Variants in TGIF1 observed in about 807,000 individuals in gnomAD.
TGIF1 encodes TGFB induced factor homeobox 1.
In TGIF1, 4 loss-of-function variants were observed where a neutral mutation model predicts 19.3. That is an observed-to-expected ratio of 0.21 (90% confidence interval 0.10 to 0.47). The LOEUF (loss-of-function observed/expected upper bound fraction) is 0.47. TGIF1 is among the 20% of genes least tolerant of loss of function. The pLI is 0.98. For missense variants in TGIF1, 275 were observed against 341.4 expected (o/e 0.81, Z 1.53); for synonymous variants, 122 against 129.3 (o/e 0.94, Z 0.38).
chr18:3,425,947 C>T (rs899074014), intron 2 of TGIF1, among the ~76,000 whole-genome samples: 2 of 152,034 alleles, frequency 1.3e-5, no homozygotes, highest in African/African-American at 2.4e-5. Context: ...TCAGGAAACC[C>T]GCACCATCCC....
At chr18:3,432,681 A>C (rs1354972188) in intron 2 of TGIF1, among the ~76,000 whole-genome samples, 1 of 152,276 alleles carries the variant, frequency 6.6e-6, no homozygotes, top group East Asian at 1.9e-4. Flanking sequence ...TATGGAAAAT[A>C]ATGGATCAAA....
At chr18:3,453,225 A>C (rs1279026438) in intron 1 of TGIF1, among the ~76,000 whole-genome samples, 1 of 152,094 alleles carries the variant, frequency 6.6e-6, no homozygotes, top group Non-Finnish European at 1.5e-5. Flanking sequence ...GGCAAGAGAC[A>C]TTGCTCCCAG....
chr18:3,450,655 C>T (rs554090801), intron 1 of TGIF1, 150 bp downstream of exon 1: 4 of 1,478,546 alleles, frequency 2.7e-6, no homozygotes, highest in East Asian at 2.5e-5. Flanking sequence ...GAGGCTGCGT[C>T]TGAAACGGCA....
intron 2 of TGIF1, among the ~76,000 whole-genome samples, chr18:3,432,166 C>T (rs1027867876): frequency 6.2e-5 from 9 of 145,828 alleles, no homozygotes; most frequent in African/African-American, 2.3e-4. Context: ...CTAAGGAAGG[C>T]GAAATATCAA....
intron 2 of TGIF1, among the ~76,000 whole-genome samples, chr18:3,423,241 T>C (rs901734517): frequency 6.6e-6 from 1 of 152,048 alleles, no homozygotes; most frequent in Non-Finnish European, 1.5e-5. Flanking sequence ...ATATCACATA[T>C]TGTACTATTG....
chr18:3,446,717 G>C (rs534930752), upstream of TGIF1, among the ~76,000 whole-genome samples: 11 of 152,316 alleles, frequency 7.2e-5, no homozygotes, highest in African/African-American at 2.6e-4. Context: ...AGGTTCTTAA[G>C]ACAATGGTCA....
At chr18:3,448,017 C>T, upstream of TGIF1, 1 of 971,716 alleles carries the variant, frequency 1.0e-6, no homozygotes, top group Non-Finnish European at 1.2e-6. Flanking sequence ...ACCGCGTGGC[C>T]AAGGAGAACC....
rs1045347365 is a variant in TGIF1 at position 3,456,185 on chromosome 18, C to G, written c.17-169C>G. ...TGAGAGCCTCCTATGTGGTGCTAGT[C>G]AAACTACTTTTACTTGGACCCTGAA... On this transcript the variant is annotated intron_variant, in intron 1 of 2. Transcript: ENST00000343820. This position sits in a 1 kb window ranked among gnomAD's most constrained non-coding sequence, Gnocchi z 4.2. 1.0e-5 allele frequency: 8 copies of G among 764,292 alleles called. No individual in the cohort carries two copies. Among genetic ancestry groups the G allele is most frequent in the Non-Finnish European group, 1.4e-5 (6 of 429,516 alleles). The allele number at this position is 764,292 out of a possible 1,614,324, so 47.3% of individuals were successfully genotyped here.
chr18:3,425,334 C>A (rs932775924), intron 2 of TGIF1, among the ~76,000 whole-genome samples: 1 of 152,216 alleles, frequency 6.6e-6, no homozygotes, highest in African/African-American at 2.4e-5. Flanking sequence ...GATGATAGCC[C>A]TTTCCAAAAA....
At chr18:3,445,756 G>GAAA (rs1568041628), upstream of TGIF1, among the ~76,000 whole-genome samples, 1 of 22,736 alleles carries the variant, frequency 4.4e-5, no homozygotes, top group Non-Finnish European at 7.1e-5. Flanking sequence ...AAAAAAAAGA[G>GAAA]AAGAAAAGCA....
chr18:3,430,167 G>A (rs182390752), intron 2 of TGIF1, among the ~76,000 whole-genome samples: 1 of 152,148 alleles, frequency 6.6e-6, no homozygotes, highest in Admixed American at 6.6e-5. Flanking sequence ...AAAGAGAAAA[G>A]ACTGTGAAAA....
chr18:3,454,674 CT>C (rs2083107761), intron 1 of TGIF1, among the ~76,000 whole-genome samples: 1 of 152,170 alleles, frequency 6.6e-6, no homozygotes, highest in East Asian at 1.9e-4. Context: ...TTTTAAAAAC[CT>C]TTTTAAAAAC....
At chr18:3,449,664 C>T (rs918613413), upstream of TGIF1, 4 of 984,888 alleles carry the variant, frequency 4.1e-6, no homozygotes, top group African/African-American at 5.3e-5. Context: ...GAAGTTGGTT[C>T]TTGTCTCGAA....
chr18:3,447,466 G>GA (rs2082763301), upstream of TGIF1: 1 of 554,660 alleles, frequency 1.8e-6, no homozygotes, highest in Admixed American at 3.0e-5. Flanking sequence ...CGAGAAAAAC[G>GA]AATCAACAAA....
At chr18:3,452,127 C>T (rs767498862) in intron 1 of TGIF1, 19 of 1,613,920 alleles carry the variant, frequency 1.2e-5, no homozygotes, top group East Asian at 8.9e-5. Context: ...TCTGGCGTCC[C>T]CCCGACTCTC....
At chr18:3,433,700 C>T (rs1275203228) in intron 2 of TGIF1, among the ~76,000 whole-genome samples, 1 of 152,124 alleles carries the variant, frequency 6.6e-6, no homozygotes, top group African/African-American at 2.4e-5. Context: ...GAGACAGGGT[C>T]TTGCTCCATC....
intron 2 of TGIF1, among the ~76,000 whole-genome samples, chr18:3,443,475 T>C (rs1308804198): frequency 6.6e-6 from 1 of 152,054 alleles, no homozygotes; most frequent in Non-Finnish European, 1.5e-5. Flanking sequence ...TGGTGCAATA[T>C]AGCTCACTGC....
At chr18:3,447,632 T>C, upstream of TGIF1, 1 of 1,236,444 alleles carries the variant, frequency 8.1e-7, no homozygotes, top group South Asian at 1.2e-5. Flanking sequence ...GGGGAGGCAG[T>C]GGGGGTGCAT....
chr18:3,445,656 A>G (rs903373522), upstream of TGIF1, among the ~76,000 whole-genome samples: 2 of 138,856 alleles, frequency 1.4e-5, no homozygotes, highest in Non-Finnish European at 3.1e-5. Context: ...CCCAGGAGGC[A>G]GAGCTTGCAG....
Sources: allele counts gnomAD v4.1 joint callset (sites outside exome capture counted in the v4.1 genomes callset), GRCh38; gene constraint gnomAD v4.1.1; non-coding constraint Gnocchi (gnomAD v3.1); transcripts MANE v1.5; gene names NCBI Gene and HGNC (gene_info 2026-07-23, HGNC 2026-07-21).